The following TTC27 variants were observed in gnomAD, a reference collection of about 807,000 sequenced individuals.
TTC27 encodes tetratricopeptide repeat protein 27.
In TTC27, 79 loss-of-function variants were observed where a neutral mutation model predicts 115.9. That is an observed-to-expected ratio of 0.68 (90% CI 0.57 to 0.82). The LOEUF (loss-of-function observed/expected upper bound fraction) is 0.82, where lower values mean the gene tolerates loss of function less well. Among genes scored for constraint, TTC27 ranks in the 40% least tolerant of loss-of-function variants. The pLI is 0.00. For missense variants in TTC27, 1,054 were observed against 993.1 expected, an observed-to-expected ratio of 1.06 and a Z score of -0.82; for synonymous variants, 401 against 356.0, an observed-to-expected ratio of 1.13 and a Z score of -1.42.
Position 32,628,777 on chromosome 2 carries a change from A to ATTTT in TTC27, c.88+399_88+400insTTTT, listed in dbSNP as rs546996839. On this transcript the variant is annotated intron_variant, in intron 1 of 19. Coordinates refer to ENST00000317907, the MANE Select transcript of TTC27 (RefSeq NM_017735.5). ...TATTTATTTATTTATTTATTTATTTATTGAGACGGAGTTTTGCTTTTTGCC... is the reference window on the plus strand; with the variant it reads ...TATTTATTTATTTATTTATTTATTTATTTTTTGAGACGGAGTTTTGCTTTTTGCC... Among the ~76,000 whole-genome samples the ATTTT allele has an allele frequency of 5.9e-3, 850 of 143,970 alleles. 6 individuals are homozygous for ATTTT. The highest frequency in any genetic ancestry group is 0.012 in the African/African-American group (418 of 36,182). 94.4% of individuals were successfully genotyped at this position (143,970 alleles called of 152,430 possible).
At position 32,817,476 on chromosome 2, in the gene TTC27, A is replaced by G. The variant is rs139134493; in HGVS notation, c.2328A>G (p.Lys776=). The G allele has an allele frequency of 1.5e-4, 249 of 1,614,088 alleles. 1 individual carries two copies. The Middle Eastern group carries it at 2.0e-3, about 13-fold the overall frequency. ...GLAHVAIKCS[K]NKSSSQEAVQ... Reference sequence around the variant, plus strand: ...TTCCAGTGGCCATAAAATGCAGTAAAAACAAATCCAGTTCCCAAGAAGCTG... The same window carrying G: ...TTCCAGTGGCCATAAAATGCAGTAAGAACAAATCCAGTTCCCAAGAAGCTG... Residue 776 remains lysine, a synonymous_variant, in exon 19 of 20, where the codon AAA becomes AAG. Transcript: ENST00000317907.
At chr2:32,657,262 T>C (rs1665359893) in intron 5 of TTC27, among the ~76,000 whole-genome samples, 1 of 152,148 alleles carries the variant, frequency 6.6e-6, no homozygotes, top group Non-Finnish European at 1.5e-5. Flanking sequence ...AGGATGCCTA[T>C]GTGCCTTCTG....
chr2:32,719,080 G>T (rs1183253684), intron 10 of TTC27, among the ~76,000 whole-genome samples: 1 of 152,132 alleles, frequency 6.6e-6, no homozygotes, highest in Non-Finnish European at 1.5e-5. Context: ...AGAGGATAGA[G>T]ACCCAGTGAG....
chr2:32,729,641 T>C (rs1355005894), intron 10 of TTC27, among the ~76,000 whole-genome samples: 1 of 152,154 alleles, frequency 6.6e-6, no homozygotes, highest in African/African-American at 2.4e-5. Flanking sequence ...CCATGCAACA[T>C]GAAGTCACCT....
intron 12 of TTC27, among the ~76,000 whole-genome samples, chr2:32,742,139 C>G (rs1295371518): frequency 6.6e-6 from 1 of 152,132 alleles, no homozygotes; most frequent in Non-Finnish European, 1.5e-5. Flanking sequence ...ATTAGCATTA[C>G]TAAGTGGCAG....
At chr2:32,734,369 T>C (rs1668387301) in intron 11 of TTC27, among the ~76,000 whole-genome samples, 1 of 152,208 alleles carries the variant, frequency 6.6e-6, no homozygotes, top group South Asian at 2.1e-4. Flanking sequence ...CTACCATGCC[T>C]GGCTTTGAAA....
chr2:32,763,312 A>G (rs889193643), intron 13 of TTC27, among the ~76,000 whole-genome samples: 1 of 152,240 alleles, frequency 6.6e-6, no homozygotes, highest in Non-Finnish European at 1.5e-5. Flanking sequence ...GAGAACGCCT[A>G]TATGCTATGT....
In TTC27 at chr2:32,651,204, G is replaced by A. The variant is rs533672074; in HGVS notation, c.640+971G>A. The stretch of plus-strand genomic sequence containing the variant: ...ATGTATGTGTGTGTCCAAGGGACAT[G>A]AGGAGTGGTAGTTAGCATCATTCTA... On this transcript the variant is annotated intron_variant, in intron 5 of 19. Transcript: ENST00000317907. Among the ~76,000 whole-genome samples the A allele has an allele frequency of 3.2e-4, 48 of 152,308 alleles. No homozygotes were observed. In the South Asian group the frequency reaches 9.5e-3, roughly 30 times the overall value.
intron 9 of TTC27, among the ~76,000 whole-genome samples, chr2:32,684,165 A>G (rs972747049): frequency 2.6e-5 from 4 of 151,502 alleles, no homozygotes; most frequent in Non-Finnish European, 4.4e-5. Context: ...CTCGGGGGGA[A>G]AAAAGTTTGT....
At chr2:32,741,531 A>G (rs998900603) in intron 12 of TTC27, among the ~76,000 whole-genome samples, 7 of 152,182 alleles carry the variant, frequency 4.6e-5, no homozygotes, top group Non-Finnish European at 1.0e-4. Context: ...ATGTGCCTGT[A>G]GTCCCAGCTA....
chr2:32,679,621 A>G (rs1666347084), intron 9 of TTC27, among the ~76,000 whole-genome samples: 1 of 152,186 alleles, frequency 6.6e-6, no homozygotes, highest in Non-Finnish European at 1.5e-5. Flanking sequence ...TTGGGAATCC[A>G]TTTAGAATTC....
chr2:32,798,823 T>G (rs1670819349), intron 16 of TTC27, among the ~76,000 whole-genome samples: 1 of 152,144 alleles, frequency 6.6e-6, no homozygotes, highest in African/African-American at 2.4e-5. Flanking sequence ...TGGAAAACAG[T>G]ATGGTAGTTC....
At chr2:32,671,459 A>T (rs1349920234) in intron 7 of TTC27, among the ~76,000 whole-genome samples, 1 of 152,104 alleles carries the variant, frequency 6.6e-6, no homozygotes, top group Non-Finnish European at 1.5e-5. Flanking sequence ...ATTTATTGAA[A>T]GGCTTTACCT....
chr2:32,784,241 T>G (rs1437181001), intron 15 of TTC27, among the ~76,000 whole-genome samples: 1 of 152,198 alleles, frequency 6.6e-6, no homozygotes, highest in Admixed American at 6.5e-5. Flanking sequence ...TAGGGGTTCT[T>G]GCATATTGTT....
intron 16 of TTC27, among the ~76,000 whole-genome samples, chr2:32,790,989 A>G (rs1003289942): frequency 1.3e-5 from 2 of 152,292 alleles, no homozygotes; most frequent in African/African-American, 2.4e-5. Context: ...TTCCAGTACT[A>G]TGTTGAAAAA....
At position 32,733,830 on chromosome 2, in the gene TTC27, T is replaced by G; in HGVS notation, c.1236T>G (p.Ala412=). ...GATTGTGATATATGTCCTTTAAGGC[T>G]CTTGCAGACCAATTTGAAGATAAAA... ...RVERAMRQTQ[A]LADQFEDKTT... The change falls in exon 11 of 20, where the codon GCT becomes GCG. Residue 412 remains alanine (A), a splice_region_variant and synonymous_variant. Coordinates refer to ENST00000317907, the MANE Select transcript of TTC27 (RefSeq NM_017735.5). 1 of 1,607,978 alleles carries G rather than the reference T, an allele frequency of 6.2e-7. No individual in the cohort carries two copies. The highest frequency in any genetic ancestry group is 8.5e-7 in the Non-Finnish European group (1 of 1,176,816).
At chr2:32,717,739 T>C (rs1667800480) in intron 10 of TTC27, among the ~76,000 whole-genome samples, 1 of 152,214 alleles carries the variant, frequency 6.6e-6, no homozygotes, top group African/African-American at 2.4e-5. Flanking sequence ...GTCATCCAAG[T>C]TTGCTAATAA....
At chr2:32,688,123 A>G (rs1402719252) in intron 9 of TTC27, among the ~76,000 whole-genome samples, 2 of 152,196 alleles carry the variant, frequency 1.3e-5, no homozygotes, top group African/African-American at 4.8e-5. Flanking sequence ...TAGATTACAT[A>G]TAGTACTTAG....
At chr2:32,744,773 G>A (rs982561809) in intron 12 of TTC27, among the ~76,000 whole-genome samples, 5 of 152,062 alleles carry the variant, frequency 3.3e-5, no homozygotes, top group African/African-American at 1.2e-4. Context: ...ATCCATGGCC[G>A]GGCGTGGTGG....
Sources: allele counts gnomAD v4.1 joint callset (sites outside exome capture counted in the v4.1 genomes callset), GRCh38; gene constraint gnomAD v4.1.1; transcripts MANE v1.5; gene names NCBI Gene and HGNC (gene_info 2026-07-23, HGNC 2026-07-21).